Variants in CWC27 observed in about 807,000 individuals in gnomAD.
The protein encoded by CWC27 is spliceosome-associated protein CWC27 homolog.
CWC27 carries 47 observed loss-of-function variants against 63.6 expected under a neutral mutation model. That is an observed-to-expected ratio of 0.74 (90% CI 0.58 to 0.94). The LOEUF (loss-of-function observed/expected upper bound fraction) is 0.94, where lower values mean the gene tolerates loss of function less well. Ranked by LOEUF, CWC27 falls within the 40% of genes least tolerant of loss-of-function variation. The probability of loss-of-function intolerance (pLI) is 0.00; values close to 1 mark genes in which losing one functional copy is unlikely to be tolerated. For missense variants in CWC27, 495 were observed against 554.3 expected (o/e 0.89, Z 1.07); for synonymous variants, 175 against 179.8 (o/e 0.97, Z 0.22).
At chr5:64,803,962 C>G (rs1278503762) in intron 9 of CWC27, among the ~76,000 whole-genome samples, 1 of 152,088 alleles carries the variant, frequency 6.6e-6, no homozygotes, top group East Asian at 1.9e-4. Flanking sequence ...AGGGAGAAGT[C>G]TGCTGCACAA....
intron 13 of CWC27, among the ~76,000 whole-genome samples, chr5:65,014,267 T>C (rs1012257633): frequency 3.4e-5 from 5 of 147,764 alleles, no homozygotes; most frequent in African/African-American, 1.2e-4. Context: ...ATATATAATA[T>C]ATACCATAGA....
chr5:64,777,300 A>G (rs1398808904), intron 2 of CWC27, among the ~76,000 whole-genome samples: 1 of 152,132 alleles, frequency 6.6e-6, no homozygotes, highest in African/African-American at 2.4e-5. Flanking sequence ...AAATATAAGC[A>G]TAAATATGCT....
At chr5:64,859,437 A>C (rs1404561744) in intron 10 of CWC27, among the ~76,000 whole-genome samples, 1 of 152,232 alleles carries the variant, frequency 6.6e-6, no homozygotes, top group African/African-American at 2.4e-5. Context: ...TTATATCTCA[A>C]AGGAAAAAAA....
chr5:64,900,634 A>G (rs975267871), intron 11 of CWC27, among the ~76,000 whole-genome samples: 2 of 152,196 alleles, frequency 1.3e-5, no homozygotes, highest in African/African-American at 4.8e-5. Context: ...GCCTGACTCA[A>G]ACTCAAAAAG....
chr5:64,782,440 TC>T (rs1743731438), intron 3 of CWC27, among the ~76,000 whole-genome samples: 1 of 32,698 alleles, frequency 3.1e-5, no homozygotes, highest in African/African-American at 8.6e-5. Flanking sequence ...AGAGCGAGAC[TC>T]CGTCTCAAAT....
intron 7 of CWC27, among the ~76,000 whole-genome samples, chr5:64,790,143 T>C (rs1177804531): frequency 6.6e-6 from 1 of 152,158 alleles, no homozygotes; most frequent in Non-Finnish European, 1.5e-5. Flanking sequence ...ATGTATTTGA[T>C]GCCATGGATT....
At position 64,785,587 on chromosome 5, in the gene CWC27, C is replaced by T; in HGVS notation, c.495+8C>T. 14 of 1,545,828 alleles carry T rather than the reference C, an allele frequency of 9.1e-6. No individual in the cohort carries two copies. The highest frequency in any genetic ancestry group is 1.2e-5 in the Non-Finnish European group (14 of 1,128,480). On this transcript the variant is annotated splice_region_variant and intron_variant, in intron 5 of 13. Coordinates refer to ENST00000381070, the MANE Select transcript of CWC27 (RefSeq NM_005869.4). ...AAAATAAAAAGCTGTGAGGTAGGAG[C>T]ATGATTATTACGAGATACAGCACTT...
At chr5:64,944,762 G>A (rs1294823923) in intron 11 of CWC27, among the ~76,000 whole-genome samples, 3 of 152,080 alleles carry the variant, frequency 2.0e-5, no homozygotes, top group Admixed American at 6.6e-5. Context: ...TAGTGCAGTC[G>A]TTTCATAATT....
At chr5:64,876,002 C>T (rs1198612240) in intron 10 of CWC27, among the ~76,000 whole-genome samples, 1 of 152,058 alleles carries the variant, frequency 6.6e-6, no homozygotes, top group African/African-American at 2.4e-5. Flanking sequence ...GGTGAGTGAA[C>T]TGAGGCTTAC....
rs1211082437 is a variant in CWC27 at position 64,937,921 on chromosome 5, C to CTT, written c.1043-33764_1043-33763dup. On this transcript the variant is annotated intron_variant, in intron 11 of 13. Transcript: ENST00000381070. ...TCAGAGACTGGGATTGCAATCTCTG[C>CTT]TTTTTTTTTTTTTTTTTTTGCTTTC... is the stretch of plus-strand genomic sequence containing the variant. Among the ~76,000 whole-genome samples the CTT allele has an allele frequency of 1.3e-3, 125 of 99,274 alleles. 1 individual carries two copies. Among genetic ancestry groups the CTT allele is most frequent in the African/African-American group, 4.3e-3 (96 of 22,534 alleles). 65.1% of individuals were successfully genotyped at this position (99,274 alleles called of 152,430 possible).
chr5:65,006,596 C>CA (rs977863793), intron 13 of CWC27, among the ~76,000 whole-genome samples: 37 of 151,852 alleles, frequency 2.4e-4, no homozygotes, highest in African/African-American at 6.3e-4. Flanking sequence ...TAATTTTTGA[C>CA]AAAAACCAAA....
intron 11 of CWC27, among the ~76,000 whole-genome samples, chr5:64,935,318 T>C (rs1748323652): frequency 6.6e-6 from 1 of 152,220 alleles, no homozygotes; most frequent in African/African-American, 2.4e-5. Flanking sequence ...GTTTCCTGCT[T>C]ATGGCTAGCC....
intron 13 of CWC27, among the ~76,000 whole-genome samples, chr5:64,979,965 TAA>T (rs35301190): frequency 4.4e-4 from 49 of 112,240 alleles, no homozygotes; most frequent in Admixed American, 7.7e-4. Context: ...ACTTTTTATG[TAA>T]AAAAAAAAAA....
chr5:65,001,195 C>A (rs954719328), intron 13 of CWC27, among the ~76,000 whole-genome samples: 5 of 151,980 alleles, frequency 3.3e-5, no homozygotes, highest in African/African-American at 7.2e-5. Context: ...TTACTCAATT[C>A]GCTTTCCAGC....
At chr5:64,985,634 CACTT>C (rs1327061249) in intron 13 of CWC27, among the ~76,000 whole-genome samples, 5 of 152,300 alleles carry the variant, frequency 3.3e-5, no homozygotes, top group South Asian at 2.1e-4. Context: ...TTGTGAAACT[CACTT>C]ACTAGTTCTA....
intron 11 of CWC27, among the ~76,000 whole-genome samples, chr5:64,955,589 T>C (rs1025958419): frequency 1.3e-5 from 2 of 152,086 alleles, no homozygotes; most frequent in Admixed American, 1.3e-4. Context: ...GAAAGCCCAT[T>C]TGGACACAAG....
At chr5:64,997,877 G>A (rs1242695269) in intron 13 of CWC27, among the ~76,000 whole-genome samples, 1 of 152,118 alleles carries the variant, frequency 6.6e-6, no homozygotes, top group African/African-American at 2.4e-5. Context: ...TCTTAGCCAA[G>A]TTCTAAGGTT....
chr5:65,011,429 AAC>A (rs1479304498), intron 13 of CWC27, among the ~76,000 whole-genome samples: 3 of 152,222 alleles, frequency 2.0e-5, no homozygotes, highest in Non-Finnish European at 4.4e-5. Flanking sequence ...AGATGGAGAT[AAC>A]ACTCAGCTAA....
intron 10 of CWC27, among the ~76,000 whole-genome samples, chr5:64,840,043 G>T (rs569802541): frequency 1.3e-5 from 2 of 152,092 alleles, no homozygotes; most frequent in African/African-American, 4.8e-5. Flanking sequence ...GTGCATATAG[G>T]CTCCCTGCCA....
Sources: gnomAD v4.1 joint callset for allele counts (sites outside exome capture counted in the v4.1 genomes callset) on GRCh38, gnomAD v4.1.1 for gene constraint, MANE v1.5 for transcripts, NCBI Gene and HGNC (gene_info 2026-07-23, HGNC 2026-07-21) for gene names.